The following BCL7B variants were observed in gnomAD, a reference collection of about 807,000 sequenced individuals.
BCL7B encodes the protein B-cell CLL/lymphoma 7 protein family member B.
BCL7B carries 11 observed loss-of-function variants against 26.5 expected under a neutral mutation model. That is an observed-to-expected ratio of 0.42 (90% CI 0.26 to 0.69). BCL7B has a LOEUF of 0.69. Ranked by LOEUF, BCL7B falls within the 30% of genes least tolerant of loss-of-function variation. The pLI, the probability that BCL7B is intolerant of heterozygous loss-of-function variation, is 0.28. For synonymous variants in BCL7B, 111 were observed against 107.9 expected (o/e 1.03, Z -0.18); for missense variants, 215 against 264.4 (o/e 0.81, Z 1.30).
Position 73,540,021 on chromosome 7 carries a change from G to T in BCL7B, c.297C>A (p.Asp99Glu), listed in dbSNP as rs782795061. ...TGCTGTCCACCTTAAGCTGATAGACGTCAGACACGGAACTCTGGTTGCTGT... is the reference window on the plus strand; with the variant it reads ...TGCTGTCCACCTTAAGCTGATAGACTTCAGACACGGAACTCTGGTTGCTGT... ...DENSNQSSVS[D>E]VYQLKVDSST... Residue 99 changes from aspartate (D) to glutamate (E), a missense_variant, in exon 4 of 6, where the codon GAC (aspartate) becomes GAA (glutamate). Transcript: ENST00000223368. 3 of 1,613,876 alleles carry T rather than the reference G, an allele frequency of 1.9e-6. No homozygotes were observed. The highest frequency in any genetic ancestry group is 2.5e-6 in the Non-Finnish European group (3 of 1,180,020).
intron 2 of BCL7B, among the ~76,000 whole-genome samples, chr7:73,548,253 C>G (rs1343322501): frequency 2.0e-5 from 3 of 151,918 alleles, no homozygotes; most frequent in Non-Finnish European, 2.9e-5. Context: ...CATGGTAAAA[C>G]CCTGTCTCTA....
chr7:73,538,246 C>T (rs1256640979), intron 4 of BCL7B: 7 of 364,090 alleles, frequency 1.9e-5, no homozygotes, highest in Non-Finnish European at 3.4e-5. Flanking sequence ...TATCTGGAAC[C>T]GACAAAGCAG....
chr7:73,539,937 G>A lies in BCL7B; in HGVS notation c.381C>T (p.Ser127=), dbSNP rs782483081. Reference sequence around the variant, plus strand: ...GCTGGGAGTCATCCGTGCGGAAGTCGGAGGTGTGTGCTGGGCTCAGGGACT... The same window carrying A: ...GCTGGGAGTCATCCGTGCGGAAGTCAGAGGTGTGTGCTGGGCTCAGGGACT... ...QSESLSPAHT[S]DFRTDDSQPP... is the part of the protein sequence containing the mutation. The change falls in exon 4 of 6, where the codon TCC becomes TCT. Residue 127 remains serine (S), a synonymous_variant. Coordinates refer to ENST00000223368, the MANE Select transcript of BCL7B (RefSeq NM_001707.4). The A allele has an allele frequency of 1.2e-5, 19 of 1,613,956 alleles. No homozygotes were observed. The highest frequency in any genetic ancestry group is 8.8e-5 in the South Asian group (8 of 91,074).
intron 1 of BCL7B, chr7:73,553,697 T>G (rs1436607488): frequency 1.3e-5 from 2 of 153,930 alleles, no homozygotes; most frequent in African/African-American, 2.4e-5. Flanking sequence ...AGAAAACTAG[T>G]CTAAAGAAAT....
intron 1 of BCL7B, among the ~76,000 whole-genome samples, chr7:73,556,230 G>A (rs1792356084): frequency 6.6e-6 from 1 of 152,222 alleles, no homozygotes; most frequent in Non-Finnish European, 1.5e-5. Flanking sequence ...CCTCTTGTGG[G>A]GAAATGGACA....
Position 73,539,917 on chromosome 7 carries a change from G to A in BCL7B, c.401C>T (p.Ser134Phe). The A allele has an allele frequency of 6.2e-7, 1 of 1,613,930 alleles. No homozygotes were observed. The highest frequency in any genetic ancestry group is 8.5e-7 in the Non-Finnish European group (1 of 1,180,042). Residue 134 changes from serine (S) to phenylalanine (F), a missense_variant, in exon 4 of 6, where the codon TCC becomes TTC. Ser to Phe is a radical substitution (Grantham distance 155). Transcript: ENST00000223368. ...AHTSDFRTDD[S>F]QPPTLGQEIL... Reference sequence around the variant, plus strand: ...CTCCTGGCCCAGCGTTGGGGGCTGGGAGTCATCCGTGCGGAAGTCGGAGGT... The same window carrying A: ...CTCCTGGCCCAGCGTTGGGGGCTGGAAGTCATCCGTGCGGAAGTCGGAGGT...
intron 2 of BCL7B, among the ~76,000 whole-genome samples, chr7:73,546,068 C>G (rs1046021014): frequency 8.1e-5 from 12 of 148,578 alleles, no homozygotes; most frequent in Non-Finnish European, 1.6e-4. Context: ...GGAGGCAGAG[C>G]TTGCAGTGAG....
rs78044035 is a variant in BCL7B at position 73,548,006 on chromosome 7, G to A, written c.168+4161C>T. ...GTGGCAGCATGCACCTGTAGTTTCA[G>A]CTACTGGGAGGCTAGGCACCAGAAC... On this transcript the variant is annotated intron_variant, in intron 2 of 5. Transcript: ENST00000223368. Among the ~76,000 whole-genome samples the A allele has an allele frequency of 3.2e-4, 48 of 152,136 alleles. No individual in the cohort carries two copies. In the East Asian group the frequency reaches 9.3e-3, roughly 29 times the overall value.
intron 2 of BCL7B, among the ~76,000 whole-genome samples, chr7:73,547,292 G>A (rs572915605): frequency 6.6e-6 from 1 of 152,260 alleles, no homozygotes; most frequent in South Asian, 2.1e-4. Flanking sequence ...GCAAGACCCT[G>A]TCTCTACAAA....
chr7:73,551,443 G>A (rs1792165580), intron 2 of BCL7B, among the ~76,000 whole-genome samples: 1 of 152,158 alleles, frequency 6.6e-6, no homozygotes, highest in Non-Finnish European at 1.5e-5. Context: ...TGGGATTACA[G>A]GTGCCTGCCA....
rs542563285 is a variant in BCL7B at position 73,548,950 on chromosome 7, C to A, written c.168+3217G>T. ...CGTCTCAAAAAAACAAACAAACAAA[C>A]AAAAAAAACTCCAAAAAACAAAACT... is the stretch of plus-strand genomic sequence containing the variant. On this transcript the variant is annotated intron_variant, in intron 2 of 5. Coordinates refer to ENST00000223368, the MANE Select transcript of BCL7B (RefSeq NM_001707.4). Among the ~76,000 whole-genome samples, 24 of 151,858 alleles carry A rather than the reference C, an allele frequency of 1.6e-4. No homozygotes were observed. In the East Asian group the frequency reaches 1.9e-3, roughly 12 times the overall value.
At chr7:73,538,587 G>C (rs891631681) in intron 4 of BCL7B, among the ~76,000 whole-genome samples, 1 of 151,982 alleles carries the variant, frequency 6.6e-6, no homozygotes, top group African/African-American at 2.4e-5. Context: ...GCTGAGGTGG[G>C]AGGATCACTT....
chr7:73,556,066 G>C (rs1482014954), intron 1 of BCL7B, among the ~76,000 whole-genome samples: 1 of 152,066 alleles, frequency 6.6e-6, no homozygotes, highest in Non-Finnish European at 1.5e-5. Flanking sequence ...GGTCAAAAAT[G>C]GGGAGAAGAG....
intron 2 of BCL7B, among the ~76,000 whole-genome samples, chr7:73,545,024 AC>A (rs1554583355): frequency 2.0e-5 from 3 of 151,984 alleles, no homozygotes; most frequent in African/African-American, 7.2e-5. Flanking sequence ...GTGCACTCCA[AC>A]CTGGGCAACA....
chr7:73,556,074 G>A (rs533558706), intron 1 of BCL7B, among the ~76,000 whole-genome samples: 1 of 152,252 alleles, frequency 6.6e-6, no homozygotes, highest in South Asian at 2.1e-4. Flanking sequence ...ATGGGGAGAA[G>A]AGAAAGGTGT....
Position 73,557,110 on chromosome 7 carries a change from A to G in BCL7B, c.92+377T>C, listed in dbSNP as rs549491669. On this transcript the variant is annotated intron_variant, in intron 1 of 5. Transcript: ENST00000223368. ...TGACACCACTCCAGGGCTACTCGCT[A>G]TTATCAAGAGGAAGCCTGGAAACGC... 25 of 993,448 alleles carry G rather than the reference A, an allele frequency of 2.5e-5. No individual in the cohort carries two copies. The South Asian group carries it at 1.0e-3, about 41-fold the overall frequency. The allele number at this position is 993,448 out of a possible 1,614,324, so 61.5% of individuals were successfully genotyped here.
intron 2 of BCL7B, among the ~76,000 whole-genome samples, chr7:73,544,717 A>G (rs1554583307): frequency 6.6e-6 from 1 of 152,166 alleles, no homozygotes; most frequent in East Asian, 1.9e-4. Context: ...GATGTAGGTT[A>G]TAAGTGCAGG....
intron 5 of BCL7B, 22 bp downstream of exon 5, chr7:73,537,912 A>T: frequency 6.4e-7 from 1 of 1,555,172 alleles, no homozygotes; most frequent in Non-Finnish European, 8.7e-7. Context: ...AAAAAACTGG[A>T]AAACTCAAAG....
At position 73,538,006 on chromosome 7, in the gene BCL7B, G is replaced by A. The variant is rs1338839814; in HGVS notation, c.444C>T (p.Ser148=). 1.9e-6 allele frequency: 3 copies of A among 1,599,502 alleles called. No individual in the cohort carries two copies. Among genetic ancestry groups the A allele is most frequent in the East Asian group, 2.3e-5 (1 of 43,490 alleles). ...CATCAGCAACTTCCGAGGAGGGCAG[G>A]GAGGGCTCTGAAAAGGCAGTAGGGT... ...TLGQEILEEP[S]LPSSEVADEP... The change falls in exon 5 of 6, where the codon TCC becomes TCT. Residue 148 remains serine, a synonymous_variant. Coordinates refer to ENST00000223368, the MANE Select transcript of BCL7B (RefSeq NM_001707.4).
Sources: gnomAD v4.1 joint callset for allele counts (sites outside exome capture counted in the v4.1 genomes callset) on GRCh38, gnomAD v4.1.1 for gene constraint, MANE v1.5 for transcripts, NCBI Gene and HGNC (gene_info 2026-07-23, HGNC 2026-07-21) for gene names.